Variants in PTPRD observed in about 807,000 individuals in gnomAD.
PTPRD encodes receptor-type tyrosine-protein phosphatase delta.
Under a neutral mutation model 214.5 loss-of-function variants are expected in PTPRD, and 34 were observed. The observed-to-expected ratio is 0.16, with a 90% confidence interval of 0.12 to 0.21. The LOEUF (loss-of-function observed/expected upper bound fraction) is 0.21, where lower values mean the gene tolerates loss of function less well. Among genes scored for constraint, PTPRD ranks in the 10% least tolerant of loss-of-function variants. The pLI, the probability that PTPRD is intolerant of heterozygous loss-of-function variation, is 1.00. For synonymous variants in PTPRD, 1,128 were observed against 845.7 expected, an observed-to-expected ratio of 1.33 and a Z score of -5.79; for missense variants, 2,545 against 2,398.7, an observed-to-expected ratio of 1.06 and a Z score of -1.27.
At chr9:9,341,878 G>T (rs560165509) in intron 9 of PTPRD, among the ~76,000 whole-genome samples, 1 of 151,960 alleles carries the variant, frequency 6.6e-6, no homozygotes, top group Non-Finnish European at 1.5e-5. Flanking sequence ...TCGCAATCTC[G>T]ACTCACAGCA....
intron 6 of PTPRD, among the ~76,000 whole-genome samples, chr9:9,740,973 T>C (rs1391439615): frequency 1.3e-5 from 2 of 152,138 alleles, no homozygotes; most frequent in African/African-American, 4.8e-5. Context: ...TAACCCAACA[T>C]TGGAAACTAG....
intron 8 of PTPRD, among the ~76,000 whole-genome samples, chr9:9,532,590 G>T (rs1401523508): frequency 6.6e-6 from 1 of 152,284 alleles, no homozygotes; most frequent in South Asian, 2.1e-4. Context: ...TACATGAAAA[G>T]GCTTTCCAAT....
chr9:9,396,604 C>G (rs994805902), intron 9 of PTPRD, among the ~76,000 whole-genome samples: 3 of 151,980 alleles, frequency 2.0e-5, no homozygotes, highest in African/African-American at 7.2e-5. Context: ...TTCCTGCCAA[C>G]CAGCTCCCAC....
intron 4 of PTPRD, among the ~76,000 whole-genome samples, chr9:9,969,999 T>C (rs560145331): frequency 2.0e-5 from 3 of 152,228 alleles, no homozygotes; most frequent in African/African-American, 7.2e-5. Flanking sequence ...AGAACTGTCA[T>C]TCAGTAGACA....
chr9:9,259,292 A>G (rs2099979069), intron 9 of PTPRD, among the ~76,000 whole-genome samples: 1 of 151,962 alleles, frequency 6.6e-6, no homozygotes, highest in African/African-American at 2.4e-5. Flanking sequence ...AGGTAATTCA[A>G]TTAGACATAG....
At chr9:8,555,623 A>G (rs893013564) in intron 14 of PTPRD, among the ~76,000 whole-genome samples, 20 of 152,186 alleles carry the variant, frequency 1.3e-4, no homozygotes, top group African/African-American at 3.9e-4. Context: ...GCTTTCTATC[A>G]TCTTCCTTTG....
At chr9:9,832,231 C>G (rs1295320680) in intron 5 of PTPRD, among the ~76,000 whole-genome samples, 1 of 151,892 alleles carries the variant, frequency 6.6e-6, no homozygotes, top group Non-Finnish European at 1.5e-5. Context: ...GGAAGTAGAT[C>G]TTGGAGTAGC....
chr9:10,345,890 G>T (rs990480425), intron 2 of PTPRD, among the ~76,000 whole-genome samples: 2 of 152,136 alleles, frequency 1.3e-5, no homozygotes, highest in African/African-American at 2.4e-5. Flanking sequence ...CAGTGTAAAA[G>T]CATTCCTATT....
At chr9:9,665,314 T>C (rs1469511163) in intron 7 of PTPRD, among the ~76,000 whole-genome samples, 1 of 151,806 alleles carries the variant, frequency 6.6e-6, no homozygotes. Context: ...GTATTTTCAT[T>C]TAATCTCGTT....
chr9:8,413,523 C>T (rs1053000983), intron 35 of PTPRD, among the ~76,000 whole-genome samples: 1 of 152,136 alleles, frequency 6.6e-6, no homozygotes, highest in African/African-American at 2.4e-5. Context: ...ACAACTATCT[C>T]ACTAAAAAAC....
chr9:10,352,398 ATTC>A (rs1272443299), intron 2 of PTPRD, among the ~76,000 whole-genome samples: 3 of 151,930 alleles, frequency 2.0e-5, no homozygotes, highest in African/African-American at 7.2e-5. Flanking sequence ...TCTCATTCCT[ATTC>A]TTCTTCCATC....
At chr9:10,279,543 G>C (rs186571693) in intron 3 of PTPRD, among the ~76,000 whole-genome samples, 2 of 151,050 alleles carry the variant, frequency 1.3e-5, no homozygotes, top group African/African-American at 4.9e-5. Flanking sequence ...TAAAACTTTC[G>C]GAATACTATT....
intron 3 of PTPRD, among the ~76,000 whole-genome samples, chr9:10,121,754 T>G (rs1368859240): frequency 6.6e-6 from 1 of 152,184 alleles, no homozygotes; most frequent in Non-Finnish European, 1.5e-5. Flanking sequence ...TGAGTCTCTC[T>G]CAGTATTTAC....
At chr9:9,682,214 C>A (rs945741293) in intron 7 of PTPRD, among the ~76,000 whole-genome samples, 5 of 151,802 alleles carry the variant, frequency 3.3e-5, no homozygotes, top group Non-Finnish European at 7.4e-5. Flanking sequence ...CTTGAAGCAA[C>A]ACTGCAAAGA....
intron 14 of PTPRD, among the ~76,000 whole-genome samples, chr9:8,620,716 T>C (rs909348176): frequency 6.6e-6 from 1 of 151,668 alleles, no homozygotes; most frequent in Admixed American, 6.6e-5. Context: ...TGTTAAACAG[T>C]AAAGGAAAAA....
At position 9,062,692 on chromosome 9, in the gene PTPRD, A is replaced by G. The variant is rs114201528; in HGVS notation, c.-142-43957T>C. Among the ~76,000 whole-genome samples, 567 of 152,282 alleles carry G rather than the reference A, an allele frequency of 3.7e-3. 4 individuals carry two copies. The highest frequency in any genetic ancestry group is 0.013 in the African/African-American group (545 of 41,566). ...GTTTCAGTGGGTAAATAATTATACC[A>G]ATAGTGAAAATAGCCTGAACACTTT... On this transcript the variant is annotated intron_variant, in intron 10 of 45. Transcript: ENST00000381196.
intron 2 of PTPRD, among the ~76,000 whole-genome samples, chr9:10,449,429 T>C (rs1011602897): frequency 3.3e-5 from 5 of 151,744 alleles, no homozygotes; most frequent in Admixed American, 6.5e-5. Context: ...CCTCCCAAAG[T>C]ACCAAGATGG....
At chr9:9,120,127 G>T (rs1380886215) in intron 10 of PTPRD, among the ~76,000 whole-genome samples, 1 of 152,160 alleles carries the variant, frequency 6.6e-6, no homozygotes, top group Non-Finnish European at 1.5e-5. Flanking sequence ...TGATGTGCCT[G>T]ATTATATTTC....
At chr9:10,572,708 A>G (rs1291770516) in intron 2 of PTPRD, among the ~76,000 whole-genome samples, 2 of 152,222 alleles carry the variant, frequency 1.3e-5, no homozygotes, top group South Asian at 2.1e-4. Flanking sequence ...TATTCTATGT[A>G]CTCAACTCTC....
Sources: allele counts gnomAD v4.1 joint callset (sites outside exome capture counted in the v4.1 genomes callset), GRCh38; gene constraint gnomAD v4.1.1; transcripts MANE v1.5; gene names NCBI Gene and HGNC (gene_info 2026-07-23, HGNC 2026-07-21).